The following DPP10 variants were observed in gnomAD, a reference collection of about 807,000 sequenced individuals.
DPP10 encodes the protein inactive dipeptidyl peptidase 10.
DPP10 carries 33 observed loss-of-function variants against 120.9 expected under a neutral mutation model. That is an observed-to-expected ratio of 0.27 (90% confidence interval 0.21 to 0.37). The LOEUF (loss-of-function observed/expected upper bound fraction) is 0.37, where lower values mean the gene tolerates loss of function less well. DPP10 is among the 10% of genes least tolerant of loss of function. DPP10 has a pLI of 1.00. For missense variants in DPP10, 816 were observed against 942.8 expected (o/e 0.87, Z 1.76); for synonymous variants, 337 against 326.1 (o/e 1.03, Z -0.36).
intron 1 of DPP10, among the ~76,000 whole-genome samples, chr2:115,158,510 A>T (rs2052069093): frequency 6.6e-6 from 1 of 152,212 alleles, no homozygotes; most frequent in South Asian, 2.1e-4. Flanking sequence ...GATTTGAGGT[A>T]ATCCATTTTC....
intron 1 of DPP10, among the ~76,000 whole-genome samples, chr2:114,510,225 G>A (rs1207164195): frequency 6.6e-6 from 1 of 152,152 alleles, no homozygotes; most frequent in Non-Finnish European, 1.5e-5. Context: ...GCACTATCTG[G>A]CCTTTCACCA....
intron 1 of DPP10, among the ~76,000 whole-genome samples, chr2:114,535,233 C>A (rs1686383163): frequency 6.6e-6 from 1 of 152,070 alleles, no homozygotes; most frequent in Non-Finnish European, 1.5e-5. Flanking sequence ...ACACATATTT[C>A]TTGATCTCTG....
At chr2:114,833,395 T>C (rs1442833424) in intron 1 of DPP10, 1 of 152,136 alleles carries the variant, frequency 6.6e-6, no homozygotes, top group African/African-American at 2.4e-5. Context: ...GATATATTTT[T>C]CTTAGGAAAT....
chr2:115,670,245 A>G (rs2149438540), intron 5 of DPP10, among the ~76,000 whole-genome samples: 1 of 152,274 alleles, frequency 6.6e-6, no homozygotes, highest in African/African-American at 2.4e-5. Flanking sequence ...ATTGGGGATT[A>G]GGGTTTTAAC....
chr2:115,354,578 T>C (rs1210412084), intron 3 of DPP10, among the ~76,000 whole-genome samples: 2 of 152,136 alleles, frequency 1.3e-5, no homozygotes, highest in Non-Finnish European at 2.9e-5. Flanking sequence ...TACCACATTT[T>C]CTTTATTTCT....
At chr2:115,701,114 A>G (rs1475782941) in intron 7 of DPP10, among the ~76,000 whole-genome samples, 3 of 152,122 alleles carry the variant, frequency 2.0e-5, no homozygotes, top group Non-Finnish European at 4.4e-5. Context: ...ATGAAATTTC[A>G]TAGGGCTTCA....
At chr2:115,096,718 C>A (rs891305070) in intron 1 of DPP10, among the ~76,000 whole-genome samples, 4 of 152,048 alleles carry the variant, frequency 2.6e-5, no homozygotes, top group Non-Finnish European at 5.9e-5. Context: ...TTAAAGTTGG[C>A]AAATATATGT....
chr2:115,067,648 G>T (rs139036639), intron 1 of DPP10, among the ~76,000 whole-genome samples: 1 of 147,676 alleles, frequency 6.8e-6, no homozygotes, highest in Admixed American at 6.7e-5. Flanking sequence ...GGGATCACGA[G>T]GTCAGGAGAT....
intron 5 of DPP10, among the ~76,000 whole-genome samples, chr2:115,543,699 G>GA (rs1423618711): frequency 6.6e-6 from 1 of 151,700 alleles, no homozygotes; most frequent in Non-Finnish European, 1.5e-5. Flanking sequence ...CACTAGCTGT[G>GA]AAAAAAATTC....
At chr2:115,391,482 G>A (rs560882731) in intron 3 of DPP10, among the ~76,000 whole-genome samples, 26 of 152,220 alleles carry the variant, frequency 1.7e-4, no homozygotes, top group African/African-American at 6.0e-4. Context: ...ATGGCTCACA[G>A]CACATGAGTT....
intron 1 of DPP10, among the ~76,000 whole-genome samples, chr2:114,985,729 T>A (rs540023612): frequency 6.6e-6 from 1 of 152,274 alleles, no homozygotes. Flanking sequence ...TAAGCACAAA[T>A]AAAATGATGA....
chr2:115,794,350 G>A (rs1353280627), intron 19 of DPP10, among the ~76,000 whole-genome samples: 1 of 152,170 alleles, frequency 6.6e-6, no homozygotes, highest in Non-Finnish European at 1.5e-5. Flanking sequence ...CTGGAAGAAA[G>A]TGGCCTCTGG....
intron 1 of DPP10, among the ~76,000 whole-genome samples, chr2:114,851,273 T>C (rs1171710153): frequency 6.6e-6 from 1 of 152,186 alleles, no homozygotes; most frequent in Admixed American, 6.5e-5. Context: ...GTTTAACGAT[T>C]TCCTTATAGA....
intron 3 of DPP10, among the ~76,000 whole-genome samples, chr2:115,490,856 C>G (rs187972890): frequency 6.6e-5 from 10 of 152,196 alleles, no homozygotes; most frequent in Non-Finnish European, 1.2e-4. Flanking sequence ...TGGTGGCTCA[C>G]GCCCATATTC....
chr2:114,540,778 C>T (rs1484293523), intron 1 of DPP10, among the ~76,000 whole-genome samples: 2 of 152,136 alleles, frequency 1.3e-5, no homozygotes, highest in African/African-American at 2.4e-5. Context: ...AACAGTTTAG[C>T]GAAAGGTCTT....
chr2:115,555,439 C>G (rs765984233), intron 5 of DPP10, among the ~76,000 whole-genome samples: 4 of 152,028 alleles, frequency 2.6e-5, no homozygotes, highest in Non-Finnish European at 5.9e-5. Flanking sequence ...CGGAAAATGA[C>G]TAGGAAATAT....
chr2:115,644,230 G>T (rs2087033241), intron 5 of DPP10, among the ~76,000 whole-genome samples: 1 of 152,134 alleles, frequency 6.6e-6, no homozygotes, highest in South Asian at 2.1e-4. Flanking sequence ...TGTTACGTAT[G>T]TATACATGTG....
At chr2:115,791,623 T>C (rs1683998343) in intron 19 of DPP10, among the ~76,000 whole-genome samples, 2 of 152,228 alleles carry the variant, frequency 1.3e-5, no homozygotes, top group Admixed American at 1.3e-4. Context: ...TGTGGGTGTC[T>C]GCTTAGCAAT....
At chr2:114,768,106 C>T (rs570904795) in intron 1 of DPP10, among the ~76,000 whole-genome samples, 10 of 130,600 alleles carry the variant, frequency 7.7e-5, no homozygotes, top group East Asian at 2.2e-4. Flanking sequence ...CCAGGTCGGA[C>T]GACAGAACAA....
Sources: allele counts gnomAD v4.1 joint callset (sites outside exome capture counted in the v4.1 genomes callset), GRCh38; gene constraint gnomAD v4.1.1; transcripts MANE v1.5; gene names NCBI Gene and HGNC (gene_info 2026-07-23, HGNC 2026-07-21).